Variants in CNTN5 observed in about 807,000 individuals in gnomAD.
CNTN5 encodes the protein contactin 5, also known as contactin-5.
In CNTN5, 77 loss-of-function variants were observed where a neutral mutation model predicts 129.1. The ratio of observed to expected loss-of-function variants is 0.60; its 90% CI spans 0.50 to 0.72. CNTN5 has a LOEUF of 0.72. Among genes scored for constraint, CNTN5 ranks in the 30% least tolerant of loss-of-function variants. CNTN5 has a pLI of 0.00. For synonymous variants in CNTN5, 509 were observed against 465.6 expected (o/e 1.09, Z -1.20); for missense variants, 1,478 against 1,328.8 (o/e 1.11, Z -1.75).
chr11:99,787,167 G>A (rs949814239), intron 3 of CNTN5, among the ~76,000 whole-genome samples: 5 of 150,448 alleles, frequency 3.3e-5, no homozygotes, highest in South Asian at 4.2e-4. Context: ...GCACCTGCAC[G>A]TTTTGGCTTT....
At chr11:100,346,818 G>C (rs1565443338) in intron 23 of CNTN5, among the ~76,000 whole-genome samples, 1 of 152,090 alleles carries the variant, frequency 6.6e-6, no homozygotes, top group African/African-American at 2.4e-5. Flanking sequence ...TCCTGAGACT[G>C]AGCAATTTGT....
At chr11:99,334,641 T>A (rs1295442041) in intron 2 of CNTN5, among the ~76,000 whole-genome samples, 1 of 152,106 alleles carries the variant, frequency 6.6e-6, no homozygotes, top group Non-Finnish European at 1.5e-5. Context: ...ACTAGCCACA[T>A]GTGGCTATTG....
chr11:99,907,461 T>C (rs907171311), intron 6 of CNTN5, among the ~76,000 whole-genome samples: 15 of 152,150 alleles, frequency 9.9e-5, no homozygotes, highest in Admixed American at 4.6e-4. Context: ...AAAACTATGT[T>C]GTCCAGTTGC....
At chr11:99,272,053 A>G (rs1863197251) in intron 1 of CNTN5, among the ~76,000 whole-genome samples, 1 of 151,966 alleles carries the variant, frequency 6.6e-6, no homozygotes, top group Admixed American at 6.6e-5. Context: ...CAAGGTTTAT[A>G]CATAAAAACT....
chr11:99,619,192 A>T (rs1950852560), intron 3 of CNTN5, among the ~76,000 whole-genome samples: 1 of 152,126 alleles, frequency 6.6e-6, no homozygotes, highest in African/African-American at 2.4e-5. Flanking sequence ...AAAACAAAAA[A>T]ATCAAAAAAC....
At chr11:100,133,571 G>A (rs1946438162) in intron 13 of CNTN5, among the ~76,000 whole-genome samples, 2 of 151,974 alleles carry the variant, frequency 1.3e-5, no homozygotes, top group Admixed American at 6.6e-5. Flanking sequence ...AGGGCTTATT[G>A]GACCCCAGAT....
intron 1 of CNTN5, among the ~76,000 whole-genome samples, chr11:99,275,278 A>G (rs1399004226): frequency 2.6e-5 from 4 of 151,356 alleles, no homozygotes; most frequent in African/African-American, 9.7e-5. Flanking sequence ...CTTTCTTTAA[A>G]TATATTTCCA....
At chr11:99,731,353 C>T (rs191458692) in intron 3 of CNTN5, among the ~76,000 whole-genome samples, 106 of 152,060 alleles carry the variant, frequency 7.0e-4, no homozygotes, top group African/African-American at 2.1e-3. Flanking sequence ...CCTCGTGATC[C>T]ACCTAAGAGT....
chr11:100,076,226 C>T (rs1944120722), intron 13 of CNTN5, among the ~76,000 whole-genome samples: 2 of 152,066 alleles, frequency 1.3e-5, no homozygotes, highest in Admixed American at 1.3e-4. Context: ...CTTACAGTGT[C>T]ATTAAAATAT....
At chr11:99,996,833 A>T (rs1939482319) in intron 8 of CNTN5, among the ~76,000 whole-genome samples, 1 of 152,116 alleles carries the variant, frequency 6.6e-6, no homozygotes, top group Non-Finnish European at 1.5e-5. Flanking sequence ...CCACTTTAAA[A>T]GTCTCAGATT....
At chr11:100,096,487 C>T (rs1945014330) in intron 13 of CNTN5, among the ~76,000 whole-genome samples, 1 of 150,518 alleles carries the variant, frequency 6.6e-6, no homozygotes, top group Non-Finnish European at 1.5e-5. Context: ...CACATCATCC[C>T]CTGATACCTG....
chr11:99,575,135 C>G (rs1200425244), intron 3 of CNTN5, among the ~76,000 whole-genome samples: 26 of 152,142 alleles, frequency 1.7e-4, no homozygotes, highest in Admixed American at 1.7e-3. Context: ...TATAAAGTCT[C>G]AAACTTGGGA....
At chr11:99,636,367 G>A (rs1951554012) in intron 3 of CNTN5, among the ~76,000 whole-genome samples, 1 of 100,296 alleles carries the variant, frequency 1.0e-5, no homozygotes, top group Non-Finnish European at 2.0e-5. Flanking sequence ...TTAATCAAAT[G>A]AGTTCTTTTT....
At chr11:100,179,415 T>G (rs1948070121) in intron 13 of CNTN5, among the ~76,000 whole-genome samples, 1 of 152,138 alleles carries the variant, frequency 6.6e-6, no homozygotes, top group Non-Finnish European at 1.5e-5. Flanking sequence ...ACTCCTGACA[T>G]AAGCATAACC....
intron 16 of CNTN5, among the ~76,000 whole-genome samples, chr11:100,255,291 ACAT>A (rs1317316105): frequency 1.3e-5 from 2 of 152,210 alleles, no homozygotes; most frequent in Non-Finnish European, 2.9e-5. Flanking sequence ...TTGATAGTAC[ACAT>A]CATAGGGCTT....
intron 2 of CNTN5, among the ~76,000 whole-genome samples, chr11:99,417,927 T>C (rs546602348): frequency 2.0e-4 from 31 of 152,288 alleles, no homozygotes; most frequent in African/African-American, 7.2e-4. Context: ...GTTTCATGTT[T>C]AAACGGTGAT....
chr11:100,066,603 A>G (rs1271855723), intron 10 of CNTN5, among the ~76,000 whole-genome samples: 3 of 152,112 alleles, frequency 2.0e-5, no homozygotes, highest in African/African-American at 7.2e-5. Context: ...TCCTGGGTTT[A>G]AAGTGCCATA....
Position 99,808,992 on chromosome 11 carries a change from C to T in CNTN5, c.56-10552C>T, listed in dbSNP as rs140501490. Reference sequence around the variant, plus strand: ...TATAAAGAAGTTTATTTGCTCAGAGCAGCTACACAAGCAGGAGCCAGTGTA... The same window carrying T: ...TATAAAGAAGTTTATTTGCTCAGAGTAGCTACACAAGCAGGAGCCAGTGTA... On this transcript the variant is annotated intron_variant, in intron 3 of 24. Coordinates refer to ENST00000524871, the MANE Select transcript of CNTN5 (RefSeq NM_014361.4). 3.8e-3 allele frequency among the ~76,000 whole-genome samples: 573 copies of T among 152,198 alleles called. 6 individuals carry two copies. Among genetic ancestry groups the T allele is most frequent in the African/African-American group, 0.012 (511 of 41,518 alleles).
chr11:99,590,083 T>C (rs1027058794), intron 3 of CNTN5, among the ~76,000 whole-genome samples: 5 of 151,920 alleles, frequency 3.3e-5, no homozygotes, highest in African/African-American at 7.3e-5. Context: ...CAGAGGAAGA[T>C]AAACATCATG....
Sources: gnomAD v4.1 joint callset for allele counts (sites outside exome capture counted in the v4.1 genomes callset) on GRCh38, gnomAD v4.1.1 for gene constraint, MANE v1.5 for transcripts, NCBI Gene and HGNC (gene_info 2026-07-23, HGNC 2026-07-21) for gene names.